Variants in DOC2B observed in about 807,000 individuals in gnomAD.
The protein encoded by DOC2B is double C2-like domain-containing protein beta.
In DOC2B, 21 loss-of-function variants were observed where a neutral mutation model predicts 28.9. That is an observed-to-expected ratio of 0.73 (90% CI 0.52 to 1.05). The LOEUF is 1.05. DOC2B is among the 50% of genes least tolerant of loss of function. The pLI, the probability that DOC2B is intolerant of heterozygous loss-of-function variation, is 0.00. For synonymous variants in DOC2B, 194 were observed against 178.1 expected, an observed-to-expected ratio of 1.09 and a Z score of -0.71; for missense variants, 384 against 421.1, an observed-to-expected ratio of 0.91 and a Z score of 0.77.
intron 2 of DOC2B, among the ~76,000 whole-genome samples, chr17:170,796 C>T (rs1191833742): frequency 1.9e-4 from 24 of 127,422 alleles, no homozygotes; most frequent in African/African-American, 5.1e-4. Context: ...CACCAGGGGC[C>T]GGGCCAGGCT....
At chr17:175,818 T>C (rs1269768760) in intron 1 of DOC2B, among the ~76,000 whole-genome samples, 1 of 152,200 alleles carries the variant, frequency 6.6e-6, no homozygotes, top group Non-Finnish European at 1.5e-5. Context: ...CTGCACTGGC[T>C]CTACAGAAAC....
intron 1 of DOC2B, among the ~76,000 whole-genome samples, chr17:173,633 G>A (rs1035475871): frequency 2.0e-5 from 3 of 152,198 alleles, no homozygotes; most frequent in African/African-American, 7.2e-5. Flanking sequence ...TGGTGAGCCG[G>A]GAGCCATGGG....
Position 147,442 on chromosome 17 carries a change from C to G in DOC2B, c.1238G>C (p.Ter413SerextTer103), listed in dbSNP as rs2040027964. 1.8e-5 allele frequency: 7 copies of G among 398,740 alleles called. No individual in the cohort carries two copies. 24.7% of individuals were successfully genotyped at this position (398,740 alleles called of 1,614,324 possible). ...AGGGGTAGCAGTGGCGGGTGGGCGTCAGTCGCTGAGCACAGCCCCTGGGAG... is the reference window on the plus strand; with the variant it reads ...AGGGGTAGCAGTGGCGGGTGGGCGTGAGTCGCTGAGCACAGCCCCTGGGAG... Reference protein sequence around the residue: ...SELPGAVLSD* With the variant: ...SELPGAVLSDS Residue 413 changes from the stop codon to serine (S), a stop_lost, in exon 9 of 9, where the codon TGA becomes TCA. Coordinates refer to ENST00000613549, the MANE Select transcript of DOC2B (RefSeq NM_003585.5).
intron 1 of DOC2B, among the ~76,000 whole-genome samples, chr17:174,478 C>A (rs1231408310): frequency 2.0e-5 from 3 of 152,148 alleles, no homozygotes; most frequent in Admixed American, 6.5e-5. Flanking sequence ...TGAAACTGTC[C>A]TCAATTGGCT....
intron 2 of DOC2B, among the ~76,000 whole-genome samples, chr17:165,517 G>A (rs928086037): frequency 6.6e-6 from 1 of 151,802 alleles, no homozygotes; most frequent in African/African-American, 2.4e-5. Context: ...GGGCGGGGGT[G>A]TAATACTCCC....
intron 1 of DOC2B, among the ~76,000 whole-genome samples, chr17:179,650 C>T (rs2040412931): frequency 7.2e-6 from 1 of 137,946 alleles, no homozygotes; most frequent in Non-Finnish European, 1.6e-5. Context: ...GAGCTTCGCA[C>T]AGGGTGCCAG....
At chr17:162,791 G>A (rs1182468226) in intron 3 of DOC2B, among the ~76,000 whole-genome samples, 2 of 152,212 alleles carry the variant, frequency 1.3e-5, no homozygotes, top group Admixed American at 6.5e-5. Flanking sequence ...GGAGGCCTGT[G>A]TGGAACTGGA....
At chr17:180,553 C>A (rs2040428410) in intron 1 of DOC2B, among the ~76,000 whole-genome samples, 1 of 152,124 alleles carries the variant, frequency 6.6e-6, no homozygotes. Flanking sequence ...CCTCCTGGTC[C>A]TCTGCTCGCG....
At position 172,536 on chromosome 17, in the gene DOC2B, C is replaced by T; in HGVS notation, c.453+1G>A. The T allele has an allele frequency of 6.4e-7, 1 of 1,550,684 alleles. No individual in the cohort carries two copies. Among genetic ancestry groups the T allele is most frequent in the Non-Finnish European group, 8.7e-7 (1 of 1,146,378 alleles). ...TTTGGGGGCAGGCTGGCGGGGCCTA[C>T]CTTGGCCTTGGTGATGGTGCAGTGG... On this transcript the variant is annotated splice_donor_variant, in intron 2 of 8. Coordinates refer to ENST00000613549, the MANE Select transcript of DOC2B (RefSeq NM_003585.5). LOFTEE classifies it high-confidence loss of function.
chr17:174,441 C>T (rs145203527), intron 1 of DOC2B, among the ~76,000 whole-genome samples: 78 of 152,322 alleles, frequency 5.1e-4, no homozygotes, highest in Admixed American at 9.8e-4. Flanking sequence ...GCTAACAGTA[C>T]TGGCTTCTCT....
At chr17:165,487 TAAA>T (rs3029494) in intron 2 of DOC2B, among the ~76,000 whole-genome samples, 18 of 119,110 alleles carry the variant, frequency 1.5e-4, no homozygotes, top group African/African-American at 5.0e-4. Flanking sequence ...GTCTCAAGTT[TAAA>T]AAAAAAAAAA....
At chr17:177,572 T>A (rs2040384855) in intron 1 of DOC2B, among the ~76,000 whole-genome samples, 2 of 152,254 alleles carry the variant, frequency 1.3e-5, no homozygotes. Context: ...GACCTCCGCC[T>A]GCCAGAGCTT....
chr17:152,209 G>C (rs1184658741), intron 6 of DOC2B, among the ~76,000 whole-genome samples: 1 of 152,188 alleles, frequency 6.6e-6, no homozygotes, highest in African/African-American at 2.4e-5. Context: ...GTTGCCCAGG[G>C]TGGCACAGCA....
At chr17:174,578 T>C (rs2040348061) in intron 1 of DOC2B, among the ~76,000 whole-genome samples, 1 of 152,194 alleles carries the variant, frequency 6.6e-6, no homozygotes, top group Non-Finnish European at 1.5e-5. Flanking sequence ...CCACGATGAC[T>C]CTTCCGTATG....
At chr17:175,567 G>A (rs1323717706) in intron 1 of DOC2B, among the ~76,000 whole-genome samples, 1 of 152,248 alleles carries the variant, frequency 6.6e-6, no homozygotes, top group African/African-American at 2.4e-5. Flanking sequence ...CTGAGCACAG[G>A]GACCATGCCT....
intron 5 of DOC2B, among the ~76,000 whole-genome samples, chr17:157,685 C>T (rs1480817122): frequency 1.3e-5 from 2 of 152,188 alleles, no homozygotes; most frequent in Admixed American, 1.3e-4. Context: ...CTCAAGTGAT[C>T]CACCCACCTC....
rs150501844 is a variant in DOC2B at position 170,666 on chromosome 17, C to A, written c.453+1871G>T. ...AACATCAATTTTGGCACCTTCCTCC[C>A]ACAGGGAGCAATGGGGTGAGGGGAA... On this transcript the variant is annotated intron_variant, in intron 2 of 8. Coordinates refer to ENST00000613549, the MANE Select transcript of DOC2B (RefSeq NM_003585.5). 8.0e-3 allele frequency among the ~76,000 whole-genome samples: 1,212 copies of A among 152,288 alleles called. 13 individuals carry two copies. The highest frequency in any genetic ancestry group is 0.027 in the African/African-American group (1,113 of 41,560).
intron 2 of DOC2B, among the ~76,000 whole-genome samples, chr17:164,841 A>C (rs1232345245): frequency 1.3e-5 from 2 of 152,208 alleles, no homozygotes; most frequent in Non-Finnish European, 2.9e-5. Flanking sequence ...CTTGTCTCTG[A>C]AAATTGCATT....
chr17:161,622 C>G, intron 4 of DOC2B, 81 bp from the exon 5 acceptor site: 2 of 1,531,292 alleles, frequency 1.3e-6, no homozygotes, highest in Non-Finnish European at 1.8e-6. Context: ...GTAGGGCCAG[C>G]CCTGGCTTCT....
Sources: allele counts gnomAD v4.1 joint callset (sites outside exome capture counted in the v4.1 genomes callset), GRCh38; gene constraint gnomAD v4.1.1; transcripts MANE v1.5; gene names NCBI Gene and HGNC (gene_info 2026-07-23, HGNC 2026-07-21).